The following PCDH17 variants were observed in gnomAD, a reference collection of about 807,000 sequenced individuals.
The protein encoded by PCDH17 is protocadherin 17.
In PCDH17, 21 loss-of-function variants were observed where a neutral mutation model predicts 67.7. That is an observed-to-expected ratio of 0.31 (90% CI 0.22 to 0.45). The LOEUF (loss-of-function observed/expected upper bound fraction) is 0.45, where lower values mean the gene tolerates loss of function less well. PCDH17 is among the 20% of genes least tolerant of loss of function. PCDH17 has a pLI of 1.00. For synonymous variants in PCDH17, 701 were observed against 656.7 expected (o/e 1.07, Z -1.03); for missense variants, 1,471 against 1,564.8 (o/e 0.94, Z 1.01).
At chr13:57,706,150 G>A (rs1249403575) in intron 3 of PCDH17, among the ~76,000 whole-genome samples, 1 of 151,918 alleles carries the variant, frequency 6.6e-6, no homozygotes, top group Admixed American at 6.6e-5. Context: ...TGATTAATTT[G>A]TAGACATTTT....
At chr13:57,638,197 G>C (rs1179245258) in intron 1 of PCDH17, among the ~76,000 whole-genome samples, 1 of 152,000 alleles carries the variant, frequency 6.6e-6, no homozygotes. Context: ...AAATTTATAA[G>C]AGCACTTTTT....
At chr13:57,710,209 A>G (rs549174353) in intron 3 of PCDH17, among the ~76,000 whole-genome samples, 9 of 151,982 alleles carry the variant, frequency 5.9e-5, no homozygotes, top group African/African-American at 2.2e-4. Flanking sequence ...TGCCACCTGA[A>G]TAACTGTGTT....
chr13:57,637,328 G>A (rs148190933), intron 1 of PCDH17, among the ~76,000 whole-genome samples: 8 of 151,668 alleles, frequency 5.3e-5, no homozygotes, highest in Middle Eastern at 3.4e-3. Flanking sequence ...TTTTGTAATC[G>A]TCTAAAGGAT....
intron 3 of PCDH17, among the ~76,000 whole-genome samples, chr13:57,713,456 A>G (rs2138092410): frequency 6.6e-6 from 1 of 151,728 alleles, no homozygotes; most frequent in Non-Finnish European, 1.5e-5. Context: ...TTGAAATGGC[A>G]GTTATCATTG....
At chr13:57,677,518 A>C (rs563771292) in intron 3 of PCDH17, among the ~76,000 whole-genome samples, 1 of 151,854 alleles carries the variant, frequency 6.6e-6, no homozygotes, top group Non-Finnish European at 1.5e-5. Context: ...GTTTCAAAGA[A>C]TTGTTTGATG....
At chr13:57,711,180 T>A (rs957884890) in intron 3 of PCDH17, among the ~76,000 whole-genome samples, 10 of 151,988 alleles carry the variant, frequency 6.6e-5, no homozygotes, top group Non-Finnish European at 2.9e-5. Context: ...TATACATTAT[T>A]TCATGTGTTC....
At chr13:57,659,505 G>A (rs961319927) in intron 1 of PCDH17, among the ~76,000 whole-genome samples, 2 of 151,234 alleles carry the variant, frequency 1.3e-5, no homozygotes, top group Non-Finnish European at 2.9e-5. Context: ...CTTATAATGA[G>A]AATTGTATTA....
chr13:57,649,558 C>T (rs1259292037), intron 1 of PCDH17, among the ~76,000 whole-genome samples: 1 of 152,148 alleles, frequency 6.6e-6, no homozygotes, highest in Non-Finnish European at 1.5e-5. Flanking sequence ...AGCATCATCT[C>T]AATGGCAAAG....
chr13:57,717,829 T>A (rs1036538168), intron 3 of PCDH17, among the ~76,000 whole-genome samples: 3 of 152,042 alleles, frequency 2.0e-5, no homozygotes, highest in African/African-American at 7.2e-5. Context: ...CCTCAAAATG[T>A]ATACATTTTT....
Position 57,680,787 on chromosome 13 carries a change from A to G in PCDH17, c.2797+13954A>G, listed in dbSNP as rs867130466. On this transcript the variant is annotated intron_variant, in intron 3 of 3. Coordinates refer to ENST00000377918, the MANE Select transcript of PCDH17 (RefSeq NM_001040429.3). ...ATTGAAATTATTCTGAACAATAAGC[A>G]TAACTCATAAGAAATATTGTGCAAT... Among the ~76,000 whole-genome samples, 4 of 151,760 alleles carry G rather than the reference A, an allele frequency of 2.6e-5. No homozygotes were observed. In the South Asian group the frequency reaches 8.3e-4, roughly 31 times the overall value.
chr13:57,635,759 A>G (rs1421625892), intron 1 of PCDH17, among the ~76,000 whole-genome samples: 1 of 152,204 alleles, frequency 6.6e-6, no homozygotes, highest in Non-Finnish European at 1.5e-5. Context: ...TGTGAGTTAT[A>G]CTCTGAAGCA....
chr13:57,710,527 A>G (rs1955766787), intron 3 of PCDH17, among the ~76,000 whole-genome samples: 1 of 151,872 alleles, frequency 6.6e-6, no homozygotes, highest in South Asian at 2.1e-4. Context: ...AACATTTGAA[A>G]CAACTGGAAA....
chr13:57,633,527 G>T lies in PCDH17; in HGVS notation c.981G>T (p.Gly327=), dbSNP rs1273968311. ...TTGACGTGCAGGCCCGAGACCTGGG[G>T]CCTAACCCTATCCCAGCCCACTGCA... is the stretch of plus-strand genomic sequence containing the variant. ...LEIDVQARDL[G]PNPIPAHCKV... The change falls in exon 1 of 4, where the codon GGG becomes GGT. Residue 327 remains glycine (G), a synonymous_variant. Transcript: ENST00000377918. The surrounding 1 kb of genome is among the most constrained non-coding windows in gnomAD (Gnocchi z 6.2). The T allele has an allele frequency of 1.9e-6, 3 of 1,613,748 alleles. No homozygotes were observed. Among genetic ancestry groups the T allele is most frequent in the Middle Eastern group, 1.6e-4 (1 of 6,084 alleles).
Position 57,633,222 on chromosome 13 carries a change from A to C in PCDH17, c.676A>C (p.Thr226Pro). 6.2e-7 allele frequency: 1 copy of C among 1,613,226 alleles called. No homozygotes were observed. The highest frequency in any genetic ancestry group is 1.3e-5 in the African/African-American group (1 of 74,978). ...LDGGEPPRSATVQINVKVIDS... is the reference protein window; with the variant it reads ...LDGGEPPRSAPVQINVKVIDS... Reference sequence around the variant, plus strand: ...CGGTGGCGAGCCTCCACGTTCCGCCACCGTACAGATCAACGTGAAGGTGAT... The same window carrying C: ...CGGTGGCGAGCCTCCACGTTCCGCCCCCGTACAGATCAACGTGAAGGTGAT... The change falls in exon 1 of 4, where the codon ACC becomes CCC. Residue 226 changes from threonine to proline, a missense_variant. Thr to Pro is a conservative substitution (Grantham distance 38, BLOSUM62 -1). Coordinates refer to ENST00000377918, the MANE Select transcript of PCDH17 (RefSeq NM_001040429.3). The surrounding 1 kb of genome is among the most constrained non-coding windows in gnomAD (Gnocchi z 6.2).
chr13:57,698,046 A>C (rs1353099338), intron 3 of PCDH17, among the ~76,000 whole-genome samples: 2 of 151,670 alleles, frequency 1.3e-5, no homozygotes, highest in Non-Finnish European at 3.0e-5. Flanking sequence ...GTGAAAATTC[A>C]TGCCTTGAAA....
chr13:57,720,751 G>A (rs1333678118), intron 3 of PCDH17, among the ~76,000 whole-genome samples: 5 of 152,072 alleles, frequency 3.3e-5, no homozygotes, highest in Non-Finnish European at 5.9e-5. Flanking sequence ...GAATATGTGT[G>A]CATGTGTCTG....
At chr13:57,706,121 G>GA (rs953269084) in intron 3 of PCDH17, among the ~76,000 whole-genome samples, 1 of 150,678 alleles carries the variant, frequency 6.6e-6, no homozygotes, top group Admixed American at 6.6e-5. Context: ...ACACAAAACT[G>GA]AAAAAAAAGC....
chr13:57,709,519 A>G (rs1442475198), intron 3 of PCDH17: 1 of 151,926 alleles, frequency 6.6e-6, no homozygotes, highest in African/African-American at 2.4e-5. Flanking sequence ...AGCTGGGGAA[A>G]TACCAATGAC....
intron 3 of PCDH17, among the ~76,000 whole-genome samples, chr13:57,713,575 C>T (rs182029047): frequency 2.0e-5 from 3 of 151,530 alleles, no homozygotes; most frequent in East Asian, 1.9e-4. Context: ...AGATCAAGGC[C>T]GAATTGTTTA....
Sources: allele counts gnomAD v4.1 joint callset (sites outside exome capture counted in the v4.1 genomes callset), GRCh38; gene constraint gnomAD v4.1.1; non-coding constraint Gnocchi (gnomAD v3.1); transcripts MANE v1.5; gene names NCBI Gene and HGNC (gene_info 2026-07-23, HGNC 2026-07-21).